The following DNAJC18 variants were observed in gnomAD, a reference collection of about 807,000 sequenced individuals.
The protein encoded by DNAJC18 is dnaJ homolog subfamily C member 18.
Under a neutral mutation model 48.6 loss-of-function variants are expected in DNAJC18, and 40 were observed. That is an observed-to-expected ratio of 0.82 (90% confidence interval 0.64 to 1.07). The LOEUF (loss-of-function observed/expected upper bound fraction) is 1.07. Among genes scored for constraint, DNAJC18 ranks in the 50% least tolerant of loss-of-function variants. DNAJC18 has a pLI of 0.00. For missense variants in DNAJC18, 340 were observed against 427.7 expected, an observed-to-expected ratio of 0.79 and a Z score of 1.81; for synonymous variants, 135 against 152.2, an observed-to-expected ratio of 0.89 and a Z score of 0.83.
In DNAJC18 at chr5:139,435,705, G is replaced by GTTTTTTTTTTTTTTTTTTTTTTTTTTTTT. The variant is rs377125785; in HGVS notation, c.227+1666_227+1667insAAAAAAAAAAAAAAAAAAAAAAAAAAAAA. On this transcript the variant is annotated intron_variant, in intron 2 of 7. Coordinates refer to ENST00000302060, the MANE Select transcript of DNAJC18 (RefSeq NM_152686.4). Reference sequence around the variant, plus strand: ...GGGCCTGGACTTTTCTTCATTGGAAGTTTTTTTTTTTTTTTTTTTTTTTTT... The same window carrying GTTTTTTTTTTTTTTTTTTTTTTTTTTTTT: ...GGGCCTGGACTTTTCTTCATTGGAAGTTTTTTTTTTTTTTTTTTTTTTTTTTTTTTTTTTTTTTTTTTTTTTTTTTTTTT... Among the ~76,000 whole-genome samples the GTTTTTTTTTTTTTTTTTTTTTTTTTTTTT allele has an allele frequency of 7.0e-4, 29 of 41,192 alleles. 7 individuals carry two copies. The highest frequency in any genetic ancestry group is 1.4e-3 in the Admixed American group (3 of 2,118). The allele number at this position is 41,192 out of a possible 152,430, so 27.0% of individuals were successfully genotyped here.
Position 139,414,217 on chromosome 5 carries a change from TTTCTGTTTCAATCG to T in DNAJC18, c.994_1007del (p.Arg332SerfsTer7). On this transcript the variant is annotated frameshift_variant, in exon 8 of 8. Coordinates refer to ENST00000302060, the MANE Select transcript of DNAJC18 (RefSeq NM_152686.4). LOFTEE classifies it high-confidence loss of function. ...AGTTTTCAAGTTTCAGCGACTCTGC[TTTCTGTTTCAATCG>T]TTCATCTCTGTATAATCCTGCCAAA... 1 of 1,614,204 alleles carries T rather than the reference TTTCTGTTTCAATCG, an allele frequency of 6.2e-7. No individual in the cohort carries two copies. Among genetic ancestry groups the T allele is most frequent in the Non-Finnish European group, 8.5e-7 (1 of 1,180,034 alleles).
At position 139,412,980 on chromosome 5, in the gene DNAJC18, C is replaced by T; in HGVS notation, c.*1168G>A. On this transcript the variant is annotated 3_prime_UTR_variant, in exon 8 of 8. Transcript: ENST00000302060. ...CACTTTCTACTTGACACTCAGCCTA[C>T]CGTCTTGCTCTGCCACTACAAGACC... 1 of 398,310 alleles carries T rather than the reference C, an allele frequency of 2.5e-6. No individual in the cohort carries two copies. The highest frequency in any genetic ancestry group is 4.4e-6 in the Non-Finnish European group (1 of 226,054). The allele number at this position is 398,310 out of a possible 1,614,324, so 24.7% of individuals were successfully genotyped here. A position where few individuals can be genotyped will look rare whatever the true frequency, so the allele number is the denominator to read the frequency against.
chr5:139,419,479 A>C lies in DNAJC18; in HGVS notation c.952+574T>G, dbSNP rs190427591. 3.5e-3 allele frequency among the ~76,000 whole-genome samples: 526 copies of C among 152,328 alleles called. 7 individuals carry two copies. The highest frequency in any genetic ancestry group is 2.9e-3 in the Non-Finnish European group (195 of 68,008). ...AACCAGCTGGAGGTGAGGGTAGGGG[A>C]CACCTCATTCCATACCAGAAACCTC... On this transcript the variant is annotated intron_variant, in intron 7 of 7. Coordinates refer to ENST00000302060, the MANE Select transcript of DNAJC18 (RefSeq NM_152686.4).
chr5:139,425,312 C>T (rs1334686734), intron 4 of DNAJC18, among the ~76,000 whole-genome samples, 198 bp from the exon 5 acceptor site: 3 of 152,004 alleles, frequency 2.0e-5, no homozygotes, highest in Admixed American at 1.3e-4. Context: ...TACAGGCACC[C>T]GCCACCATGC....
At chr5:139,433,183 G>T (rs1433861038) in intron 2 of DNAJC18, among the ~76,000 whole-genome samples, 1 of 152,188 alleles carries the variant, frequency 6.6e-6, no homozygotes, top group East Asian at 1.9e-4. Flanking sequence ...TTTGCAAAAA[G>T]TGCAATGTTT....
intron 6 of DNAJC18, 165 bp from the exon 7 acceptor site, chr5:139,420,390 A>G (rs1330024525): frequency 1.4e-5 from 9 of 642,470 alleles, no homozygotes; most frequent in Non-Finnish European, 2.2e-5. Context: ...AGTTGTAAGT[A>G]TAACATCATC....
At chr5:139,433,347 G>A (rs1329531575) in intron 2 of DNAJC18, among the ~76,000 whole-genome samples, 1 of 152,002 alleles carries the variant, frequency 6.6e-6, no homozygotes, top group African/African-American at 2.4e-5. Context: ...GGGAGGCTGA[G>A]GCAGGACAAT....
At chr5:139,429,296 C>T (rs952947947) in intron 2 of DNAJC18, among the ~76,000 whole-genome samples, 1 of 152,016 alleles carries the variant, frequency 6.6e-6, no homozygotes, top group Non-Finnish European at 1.5e-5. Flanking sequence ...ATTGGTTAGG[C>T]TGGTCTCAAA....
intron 3 of DNAJC18, among the ~76,000 whole-genome samples, chr5:139,427,909 A>C (rs1035636023): frequency 2.6e-5 from 4 of 152,192 alleles, no homozygotes; most frequent in African/African-American, 4.8e-5. Flanking sequence ...CATAGGCGAC[A>C]ACTACCTAGC....
chr5:139,433,105 T>C (rs1759355156), intron 2 of DNAJC18, among the ~76,000 whole-genome samples: 1 of 152,182 alleles, frequency 6.6e-6, no homozygotes. Flanking sequence ...TCATGGACTG[T>C]ATGCCTTTCT....
intron 3 of DNAJC18, 130 bp from the exon 4 acceptor site, chr5:139,426,487 C>G: frequency 9.0e-7 from 1 of 1,112,712 alleles, no homozygotes; most frequent in Non-Finnish European, 1.3e-6. Context: ...AGAAGAGATG[C>G]TTGGGCCTAG....
In DNAJC18 at chr5:139,437,384, A is replaced by G. The variant is rs750680672; in HGVS notation, c.215T>C (p.Leu72Pro). 1 of 1,610,080 alleles carries G rather than the reference A, an allele frequency of 6.2e-7. No individual in the cohort carries two copies. Among genetic ancestry groups the G allele is most frequent in the South Asian group, 1.1e-5 (1 of 90,264 alleles). The change falls in exon 2 of 8, where the codon CTT becomes CCT. Residue 72 changes from leucine (L) to proline (P), a missense_variant. By Grantham distance (98) the Leu-to-Pro change is moderately conservative. Transcript: ENST00000302060. ...GNSTYSEEQL[L>P]GVQRIKKCRN... ...ACCACATGCTCACCTTTGTACCCCA[A>G]GCAGCTGTTCCTCACTATACGTGGA...
intron 1 of DNAJC18, among the ~76,000 whole-genome samples, chr5:139,437,973 A>C (rs1024465632): frequency 1.3e-5 from 2 of 152,252 alleles, no homozygotes; most frequent in African/African-American, 4.8e-5. Context: ...CACAGGTGGC[A>C]TGTGGCCCAG....
intron 2 of DNAJC18, among the ~76,000 whole-genome samples, chr5:139,430,804 C>T (rs1759319404): frequency 6.6e-6 from 1 of 152,096 alleles, no homozygotes. Context: ...CTCTTGACCT[C>T]AAGTGATCCA....
Position 139,439,382 on chromosome 5 carries a change from C to T in DNAJC18, c.40+24G>A. 1 of 1,614,122 alleles carries T rather than the reference C, an allele frequency of 6.2e-7. No homozygotes were observed. The highest frequency in any genetic ancestry group is 8.5e-7 in the Non-Finnish European group (1 of 1,179,974). On this transcript the variant is annotated intron_variant, in intron 1 of 7. Transcript: ENST00000302060. This position sits in a 1 kb window ranked among gnomAD's most constrained non-coding sequence, Gnocchi z 4.1. ...ATCTCTCCCGAAGGCCGCCCTATCC[C>T]TCCTTCAGGCGGGGACCTAGTACCT...
In DNAJC18 at chr5:139,422,758, G is replaced by A; in HGVS notation, c.729C>T (p.Val243=). ...GATTAGTAGCCAGCAGCTGAGTAAT[G>A]ACAGATATAATCACAATCACAAGAA... ...LPVLVIVIIS[V]ITQLLATNPP... The change falls in exon 6 of 8, where the codon GTC becomes GTT. Residue 243 remains valine, a synonymous_variant. Transcript: ENST00000302060. 1 of 1,611,092 alleles carries A rather than the reference G, an allele frequency of 6.2e-7. No homozygotes were observed. Among genetic ancestry groups the A allele is most frequent in the Non-Finnish European group, 8.5e-7 (1 of 1,179,138 alleles).
At chr5:139,418,972 AAC>A in intron 7 of DNAJC18, 1 of 422,028 alleles carries the variant, frequency 2.4e-6, no homozygotes, top group Non-Finnish European at 4.8e-6. Flanking sequence ...GTGCTTTAAG[AAC>A]ACAGAGGAAG....
chr5:139,439,510 G>A lies in DNAJC18; in HGVS notation c.-65C>T, dbSNP rs1021444110. 6 of 1,612,436 alleles carry A rather than the reference G, an allele frequency of 3.7e-6. No homozygotes were observed. In the African/African-American group the frequency reaches 5.3e-5, roughly 14 times the overall value. On this transcript the variant is annotated 5_prime_UTR_variant, in exon 1 of 8. Transcript: ENST00000302060. The surrounding 1 kb of genome is among the most constrained non-coding windows in gnomAD (Gnocchi z 4.1). ...GCCCGAGGCTGAAAGAGAAGGGGGC[G>A]CGGAGCGCGGGGCACGCTGGTCATT... is the stretch of plus-strand genomic sequence containing the variant.
chr5:139,428,400 T>G, intron 3 of DNAJC18, 138 bp downstream of exon 3: 1 of 1,172,914 alleles, frequency 8.5e-7, no homozygotes, highest in Non-Finnish European at 1.2e-6. Flanking sequence ...GCTATGCTGA[T>G]TATCACTATT....
Sources: allele counts gnomAD v4.1 joint callset (sites outside exome capture counted in the v4.1 genomes callset), GRCh38; gene constraint gnomAD v4.1.1; non-coding constraint Gnocchi (gnomAD v3.1); transcripts MANE v1.5; gene names NCBI Gene and HGNC (gene_info 2026-07-23, HGNC 2026-07-21).